Variants in MEGF10 observed in about 807,000 individuals in gnomAD.
The protein encoded by MEGF10 is multiple EGF like domains 10.
MEGF10 carries 86 observed loss-of-function variants against 147.5 expected under a neutral mutation model. That is an observed-to-expected ratio of 0.58 (90% CI 0.49 to 0.70). MEGF10 has a LOEUF of 0.70. Ranked by LOEUF, MEGF10 falls within the 30% of genes least tolerant of loss-of-function variation. The pLI is 0.00. For synonymous variants in MEGF10, 478 were observed against 525.5 expected, an observed-to-expected ratio of 0.91 and a Z score of 1.24; for missense variants, 1,329 against 1,487.3, an observed-to-expected ratio of 0.89 and a Z score of 1.75.
the MEGF10 span, among the ~76,000 whole-genome samples, chr5:127,240,096 T>C: frequency 6.6e-6 from 1 of 152,212 alleles, no homozygotes; most frequent in South Asian, 2.1e-4. Context: ...TTTCCCTGGG[T>C]TCTGGCCTCA....
chr5:127,349,698 T>G (rs1386749236), intron 4 of MEGF10, among the ~76,000 whole-genome samples: 4 of 152,076 alleles, frequency 2.6e-5, no homozygotes, highest in Non-Finnish European at 5.9e-5. Context: ...TTTTTTGTTT[T>G]TTTTAGGCTA....
At chr5:127,455,960 T>G (rs1329647410) in intron 24 of MEGF10, among the ~76,000 whole-genome samples, 1 of 152,148 alleles carries the variant, frequency 6.6e-6, no homozygotes, top group African/African-American at 2.4e-5. Flanking sequence ...TATTAATAGA[T>G]GCGACCTGTG....
the MEGF10 span, among the ~76,000 whole-genome samples, chr5:127,260,256 T>C: frequency 6.6e-6 from 1 of 152,170 alleles, no homozygotes; most frequent in Non-Finnish European, 1.5e-5. Context: ...TGATCCAACA[T>C]GTTCAATAAT....
upstream of MEGF10, among the ~76,000 whole-genome samples, chr5:127,286,628 T>A (rs1175772148): frequency 1.3e-5 from 2 of 149,314 alleles, no homozygotes; most frequent in Non-Finnish European, 3.0e-5. Flanking sequence ...AAGAAAAAAA[T>A]CTAAAAATCA....
chr5:127,435,090 G>T (rs1222565082), intron 15 of MEGF10, among the ~76,000 whole-genome samples: 1 of 152,162 alleles, frequency 6.6e-6, no homozygotes, highest in Non-Finnish European at 1.5e-5. Flanking sequence ...TCAATATGCG[G>T]AAGAATTTTA....
chr5:127,318,844 C>A (rs777207410), intron 1 of MEGF10, among the ~76,000 whole-genome samples: 2 of 152,078 alleles, frequency 1.3e-5, no homozygotes, highest in African/African-American at 4.8e-5. Flanking sequence ...TAAAAAATAA[C>A]AGAAGAGAAT....
intron 17 of MEGF10, among the ~76,000 whole-genome samples, chr5:127,439,234 G>C (rs1580872052): frequency 6.6e-6 from 1 of 152,286 alleles, no homozygotes; most frequent in South Asian, 2.1e-4. Flanking sequence ...AGTGTGCAAA[G>C]TACTTACTCC....
intron 22 of MEGF10, among the ~76,000 whole-genome samples, chr5:127,452,925 AAG>A (rs1232172214): frequency 2.0e-5 from 3 of 152,278 alleles, no homozygotes; most frequent in Middle Eastern, 3.4e-3. Context: ...ACCCAGATGC[AAG>A]AGAGTGTGCC....
chr5:127,273,731 T>C, the MEGF10 span, among the ~76,000 whole-genome samples: 5 of 152,240 alleles, frequency 3.3e-5, no homozygotes, highest in East Asian at 9.6e-4. Context: ...TTCATTTGAA[T>C]CTATATAGTA....
At chr5:127,232,728 T>C in the MEGF10 span, among the ~76,000 whole-genome samples, 1 of 152,058 alleles carries the variant, frequency 6.6e-6, no homozygotes, top group East Asian at 1.9e-4. Context: ...GGGCAAGTAT[T>C]TGAAGATAGA....
intron 13 of MEGF10, among the ~76,000 whole-genome samples, chr5:127,432,525 A>T (rs986413247): frequency 2.6e-5 from 4 of 152,170 alleles, no homozygotes; most frequent in African/African-American, 9.7e-5. Flanking sequence ...TGTGAAGAAC[A>T]TTTCTTTGAG....
intron 5 of MEGF10, among the ~76,000 whole-genome samples, chr5:127,390,631 T>C (rs969952964): frequency 3.3e-5 from 5 of 152,212 alleles, no homozygotes; most frequent in African/African-American, 4.8e-5. Context: ...ATCATAAATA[T>C]GGTTCCAGTT....
Position 127,422,667 on chromosome 5 carries a change from CAG to C in MEGF10, c.1591-2_1591-1del. On this transcript the variant is annotated splice_acceptor_variant, in intron 12 of 24. Transcript: ENST00000503335. LOFTEE classifies it high-confidence loss of function. Reference sequence around the variant, plus strand: ...GCTGCCTTTGATGCTGTTTTCCATGCAGGATGGCACGTACGGGCTGAACTGTG... The same window carrying C: ...GCTGCCTTTGATGCTGTTTTCCATGCGATGGCACGTACGGGCTGAACTGTG... The C allele has an allele frequency of 6.2e-7, 1 of 1,613,222 alleles. No individual in the cohort carries two copies.
chr5:127,334,930 T>G (rs1252327298), intron 2 of MEGF10, among the ~76,000 whole-genome samples: 1 of 152,198 alleles, frequency 6.6e-6, no homozygotes, highest in Non-Finnish European at 1.5e-5. Flanking sequence ...TTAACCACTT[T>G]GGAACGTGCC....
At chr5:127,239,098 G>A in the MEGF10 span, among the ~76,000 whole-genome samples, 1 of 152,048 alleles carries the variant, frequency 6.6e-6, no homozygotes, top group African/African-American at 2.4e-5. Context: ...CAAAGCCGCT[G>A]GCCAGGACCC....
At chr5:127,323,365 T>C (rs554357207) in intron 1 of MEGF10, among the ~76,000 whole-genome samples, 17 of 152,324 alleles carry the variant, frequency 1.1e-4, no homozygotes, top group Non-Finnish European at 2.2e-4. Flanking sequence ...TAATCTGGGA[T>C]GGTGCCCTGT....
chr5:127,402,750 G>A, intron 8 of MEGF10, 68 bp downstream of exon 8: 7 of 1,555,346 alleles, frequency 4.5e-6, no homozygotes, highest in South Asian at 1.2e-5. Context: ...TAGGGTCCGG[G>A]GAGCATCTTC....
chr5:127,261,609 T>C, the MEGF10 span, among the ~76,000 whole-genome samples: 1 of 152,200 alleles, frequency 6.6e-6, no homozygotes, highest in Admixed American at 6.5e-5. Flanking sequence ...ATTATACATG[T>C]TGAGTGTATA....
the MEGF10 span, among the ~76,000 whole-genome samples, chr5:127,248,072 A>G: frequency 1.3e-5 from 2 of 152,082 alleles, no homozygotes; most frequent in Non-Finnish European, 2.9e-5. Context: ...CCCAGCTATA[A>G]TGGAAAGACT....
Sources: gnomAD v4.1 joint callset for allele counts (sites outside exome capture counted in the v4.1 genomes callset) on GRCh38, gnomAD v4.1.1 for gene constraint, MANE v1.5 for transcripts, NCBI Gene and HGNC (gene_info 2026-07-23, HGNC 2026-07-21) for gene names.